ACOXL: variants seen among roughly 807,000 people sequenced by gnomAD.
The protein encoded by ACOXL is acyl-CoA oxidase like.
ACOXL carries 70 observed loss-of-function variants against 71.9 expected under a neutral mutation model. That is an observed-to-expected ratio of 0.97 (90% CI 0.80 to 1.19). ACOXL has a LOEUF of 1.19. Ranked by LOEUF, ACOXL falls within the 50% of genes most tolerant of loss-of-function variation. ACOXL has a pLI of 0.00. For synonymous variants in ACOXL, 253 were observed against 281.6 expected, an observed-to-expected ratio of 0.90 and a Z score of 1.02; for missense variants, 703 against 736.3, an observed-to-expected ratio of 0.95 and a Z score of 0.52.
In ACOXL at chr2:110,947,857, A is replaced by G. The variant is rs545347306; in HGVS notation, c.1059+14215A>G. On this transcript the variant is annotated intron_variant, in intron 12 of 17. Transcript: ENST00000439055. ...CTGCACAACCACATTCTTTACAAGG[A>G]CCTCCTGCAGTGTCTCCTGGCCCTT... Among the ~76,000 whole-genome samples the G allele has an allele frequency of 2.6e-5, 4 of 152,168 alleles. No individual in the cohort carries two copies. In the South Asian group the frequency reaches 8.3e-4, roughly 32 times the overall value.
chr2:111,009,569 T>A (rs1574472478), intron 14 of ACOXL, among the ~76,000 whole-genome samples: 1 of 147,982 alleles, frequency 6.8e-6, no homozygotes, highest in African/African-American at 2.5e-5. Context: ...CCAAGATTAG[T>A]GAAAATGAAG....
intron 9 of ACOXL, among the ~76,000 whole-genome samples, chr2:110,821,649 T>G (rs1688614097): frequency 1.3e-5 from 2 of 152,200 alleles, no homozygotes; most frequent in Admixed American, 1.3e-4. Flanking sequence ...TTTCCCCCTT[T>G]TCATACGATC....
chr2:110,744,021 C>T (rs2104729788), intron 1 of ACOXL, among the ~76,000 whole-genome samples: 1 of 152,346 alleles, frequency 6.6e-6, no homozygotes, highest in South Asian at 2.1e-4. Context: ...ACTGACCCTG[C>T]ACCCTGCAGC....
At chr2:111,073,806 G>C (rs1456705233) in intron 16 of ACOXL, among the ~76,000 whole-genome samples, 2 of 152,070 alleles carry the variant, frequency 1.3e-5, no homozygotes, top group African/African-American at 4.8e-5. Flanking sequence ...ATTCATTGGT[G>C]ATTTTGATTG....
intron 1 of ACOXL, among the ~76,000 whole-genome samples, chr2:110,764,678 A>G (rs1370071874): frequency 6.6e-6 from 1 of 152,246 alleles, no homozygotes; most frequent in Non-Finnish European, 1.5e-5. Context: ...ATGTACGTTC[A>G]TCAGCTGTAA....
At chr2:111,020,397 C>G (rs951098580) in intron 14 of ACOXL, among the ~76,000 whole-genome samples, 1 of 152,160 alleles carries the variant, frequency 6.6e-6, no homozygotes, top group Non-Finnish European at 1.5e-5. Flanking sequence ...CTGAATCACT[C>G]TGGGGATGGA....
At chr2:110,817,203 G>T (rs942740822) in intron 9 of ACOXL, among the ~76,000 whole-genome samples, 1 of 152,224 alleles carries the variant, frequency 6.6e-6, no homozygotes, top group African/African-American at 2.4e-5. Flanking sequence ...TCTCCCGTGG[G>T]CTAGGCTCTT....
At chr2:111,081,135 A>G (rs1393641361) in intron 16 of ACOXL, among the ~76,000 whole-genome samples, 1 of 152,168 alleles carries the variant, frequency 6.6e-6, no homozygotes, top group African/African-American at 2.4e-5. Context: ...CTCTCTCACC[A>G]CTCCTATTCA....
At chr2:110,901,629 A>G (rs1223402134) in intron 10 of ACOXL, among the ~76,000 whole-genome samples, 1 of 139,844 alleles carries the variant, frequency 7.2e-6, no homozygotes, top group Non-Finnish European at 1.5e-5. Flanking sequence ...TCAAAGAAGC[A>G]TATATCTCTA....
chr2:110,821,339 G>C (rs1438229348), intron 9 of ACOXL, among the ~76,000 whole-genome samples: 1 of 152,100 alleles, frequency 6.6e-6, no homozygotes, highest in Non-Finnish European at 1.5e-5. Context: ...GGTGCCAGCA[G>C]ATCAGAAGGT....
chr2:110,818,579 A>G (rs918988439), intron 9 of ACOXL, among the ~76,000 whole-genome samples: 4 of 151,480 alleles, frequency 2.6e-5, no homozygotes, highest in African/African-American at 9.7e-5. Context: ...ATATGTATGT[A>G]TATATATACT....
chr2:110,736,353 A>G (rs1676843587), intron 1 of ACOXL, among the ~76,000 whole-genome samples: 1 of 152,210 alleles, frequency 6.6e-6, no homozygotes. Flanking sequence ...TCCCAAATGG[A>G]AACTCTGTAC....
intron 12 of ACOXL, among the ~76,000 whole-genome samples, chr2:110,984,970 TA>T (rs2062864957): frequency 6.6e-6 from 1 of 152,132 alleles, no homozygotes; most frequent in Non-Finnish European, 1.5e-5. Flanking sequence ...CAGGTAGCCA[TA>T]AATGCCATGG....
chr2:110,821,602 C>T (rs926874489), intron 9 of ACOXL, among the ~76,000 whole-genome samples: 3 of 152,146 alleles, frequency 2.0e-5, no homozygotes, highest in South Asian at 2.1e-4. Flanking sequence ...TGTCCAAAGT[C>T]GAACTTGTCA....
chr2:110,799,182 A>C, intron 7 of ACOXL, 82 bp downstream of exon 7: 1 of 1,387,820 alleles, frequency 7.2e-7, no homozygotes, highest in African/African-American at 1.4e-5. Flanking sequence ...AACCTACGTT[A>C]TATTACCGAA....
At chr2:110,833,089 A>G (rs1004769646) in intron 9 of ACOXL, among the ~76,000 whole-genome samples, 15 of 152,356 alleles carry the variant, frequency 9.8e-5, no homozygotes, top group Admixed American at 5.2e-4. Flanking sequence ...GAAATGAAAC[A>G]TATTTTTTTC....
chr2:110,914,292 TTG>T (rs1433140089), intron 11 of ACOXL, among the ~76,000 whole-genome samples: 2 of 152,236 alleles, frequency 1.3e-5, no homozygotes, highest in Non-Finnish European at 2.9e-5. Context: ...TTAGATTTAT[TTG>T]TGATTGCATT....
intron 1 of ACOXL, among the ~76,000 whole-genome samples, chr2:110,741,117 A>G (rs1382482299): frequency 6.6e-6 from 1 of 152,192 alleles, no homozygotes; most frequent in East Asian, 1.9e-4. Flanking sequence ...GGCAAAGCCA[A>G]GAATAGGACC....
intron 16 of ACOXL, among the ~76,000 whole-genome samples, chr2:111,084,577 T>G (rs1333803980): frequency 1.3e-5 from 2 of 152,162 alleles, no homozygotes; most frequent in Non-Finnish European, 2.9e-5. Context: ...GCAACATTGT[T>G]CTCAATTGGA....
Sources: gnomAD v4.1 joint callset for allele counts (sites outside exome capture counted in the v4.1 genomes callset) on GRCh38, gnomAD v4.1.1 for gene constraint, MANE v1.5 for transcripts, NCBI Gene and HGNC (gene_info 2026-07-23, HGNC 2026-07-21) for gene names.